Variants in ZBTB37 observed in about 807,000 individuals in gnomAD.
ZBTB37 encodes the protein zinc finger and BTB domain-containing protein 37.
Under a neutral mutation model 37.7 loss-of-function variants are expected in ZBTB37, and 15 were observed. That is an observed-to-expected ratio of 0.40 (90% CI 0.27 to 0.61). The LOEUF (loss-of-function observed/expected upper bound fraction) is 0.61. ZBTB37 is among the 20% of genes least tolerant of loss of function. ZBTB37 has a pLI of 0.44. For synonymous variants in ZBTB37, 231 were observed against 220.6 expected (o/e 1.05, Z -0.42); for missense variants, 514 against 641.9 (o/e 0.80, Z 2.15).
chr1:173,877,990 T>G (rs1050188059), intron 4 of ZBTB37, among the ~76,000 whole-genome samples: 4 of 152,212 alleles, frequency 2.6e-5, no homozygotes, highest in Non-Finnish European at 5.9e-5. Context: ...TTCAAGTGAT[T>G]TACAGTCTTT....
At chr1:173,875,462 A>G (rs1655910910) in intron 4 of ZBTB37, among the ~76,000 whole-genome samples, 1 of 150,740 alleles carries the variant, frequency 6.6e-6, no homozygotes, top group Non-Finnish European at 1.5e-5. Flanking sequence ...AGTAGCTGGG[A>G]TTACAGGCGC....
chr1:173,883,599 T>C (rs778035692), intron 4 of ZBTB37, among the ~76,000 whole-genome samples: 59 of 152,258 alleles, frequency 3.9e-4, no homozygotes, highest in Non-Finnish European at 7.2e-4. Flanking sequence ...TTCTGTTTTG[T>C]CCCTGGTCAC....
intron 4 of ZBTB37, among the ~76,000 whole-genome samples, chr1:173,879,156 G>T (rs10912699): frequency 0.062 from 9,310 of 151,328 alleles, 901 homozygotes; most frequent in African/African-American, 0.21. Flanking sequence ...CTTTCTACAT[G>T]GAAAGCCCCC....
exon 4 of ZBTB37, chr1:173,896,853 A>G (rs1657066659): frequency 6.6e-6 from 1 of 152,230 alleles, no homozygotes; most frequent in South Asian, 2.1e-4. Flanking sequence ...AACAAAGCTT[A>G]AAATGTGTTT....
downstream of ZBTB37, chr1:173,890,246 GTTTCT>G (rs1186095532): frequency 6.6e-6 from 1 of 152,134 alleles, no homozygotes; most frequent in African/African-American, 2.4e-5. Flanking sequence ...CATTAATTGG[GTTTCT>G]TTTAACTGGT....
chr1:173,883,918 C>T (rs971209247), intron 4 of ZBTB37, among the ~76,000 whole-genome samples: 1 of 152,142 alleles, frequency 6.6e-6, no homozygotes, highest in Non-Finnish European at 1.5e-5. Context: ...TAATTGCTAA[C>T]TAGATGAATC....
chr1:173,869,692 A>G (rs928819233), intron 2 of ZBTB37, among the ~76,000 whole-genome samples: 9 of 152,200 alleles, frequency 5.9e-5, no homozygotes, highest in Non-Finnish European at 1.2e-4. Flanking sequence ...ATTAGCCTAC[A>G]TTCATGTGGG....
At chr1:173,885,565 A>G in intron 4 of ZBTB37, 71 bp from the exon 5 acceptor site, 1 of 1,297,388 alleles carries the variant, frequency 7.7e-7, no homozygotes. Context: ...GTAAAAATAG[A>G]TTTGATTGCT....
intron 3 of ZBTB37, among the ~76,000 whole-genome samples, chr1:173,871,453 C>T (rs1476147000): frequency 6.6e-6 from 1 of 152,164 alleles, no homozygotes; most frequent in African/African-American, 2.4e-5. Flanking sequence ...CCTCGGGATT[C>T]GAGGCAGGGA....
upstream of ZBTB37, chr1:173,868,130 T>G (rs1324963876): frequency 6.3e-6 from 1 of 157,710 alleles, no homozygotes; most frequent in East Asian, 1.9e-4. Flanking sequence ...TTCCCACCCC[T>G]TAAGTCCGCC....
downstream of ZBTB37, chr1:173,890,951 C>A (rs1412691703): frequency 1.3e-5 from 2 of 152,126 alleles, no homozygotes; most frequent in Non-Finnish European, 2.9e-5. Flanking sequence ...TGACATTTTG[C>A]CTTTATAATA....
At chr1:173,885,680 T>C in exon 5 of ZBTB37, 1 of 1,552,094 alleles carries the variant, frequency 6.4e-7, no homozygotes, top group Admixed American at 2.0e-5. Context: ...ATGTGGAGTA[T>C]CTCCGAGAGC....
downstream of ZBTB37, chr1:173,888,399 T>C (rs1656711029): frequency 6.6e-6 from 1 of 152,186 alleles, no homozygotes; most frequent in Non-Finnish European, 1.5e-5. Context: ...AGAAATAGTA[T>C]GCTAGAAAGT....
chr1:173,875,408 C>G (rs896903249), intron 4 of ZBTB37, among the ~76,000 whole-genome samples: 1 of 148,736 alleles, frequency 6.7e-6, no homozygotes, highest in African/African-American at 2.5e-5. Context: ...TCGCTGCAAT[C>G]TCTGCCTCCT....
At chr1:173,893,103 A>T (rs1656907706) in exon 4 of ZBTB37, 1 of 152,224 alleles carries the variant, frequency 6.6e-6, no homozygotes, top group Non-Finnish European at 1.5e-5. Context: ...GGGTTTCACC[A>T]TGTTGGCCAG....
At chr1:173,899,720 TC>T (rs1428771758) in exon 4 of ZBTB37, 2 of 152,186 alleles carry the variant, frequency 1.3e-5, no homozygotes, top group Admixed American at 1.3e-4. Context: ...CCCTATGTAA[TC>T]CCTAGTGGTC....
chr1:173,897,663 C>A (rs1449584445), exon 4 of ZBTB37: 2 of 152,196 alleles, frequency 1.3e-5, no homozygotes, highest in Non-Finnish European at 2.9e-5. Context: ...TATCCTACCT[C>A]CCACTAGAGA....
intron 4 of ZBTB37, among the ~76,000 whole-genome samples, chr1:173,883,824 G>A (rs747796335): frequency 7.2e-5 from 11 of 152,130 alleles, no homozygotes; most frequent in Non-Finnish European, 1.6e-4. Context: ...AGCATAGGAA[G>A]GGACAAAACA....
At chr1:173,896,325 A>G (rs763143787) in exon 4 of ZBTB37, 1 of 152,164 alleles carries the variant, frequency 6.6e-6, no homozygotes, top group Admixed American at 6.5e-5. Flanking sequence ...TCACATTTCC[A>G]CTCTGGTATA....
Sources: allele counts gnomAD v4.1 joint callset (sites outside exome capture counted in the v4.1 genomes callset), GRCh38; gene constraint gnomAD v4.1.1; transcripts MANE v1.5; gene names NCBI Gene and HGNC (gene_info 2026-07-23, HGNC 2026-07-21).